Variants in CSMD1 observed in about 807,000 individuals in gnomAD.
CSMD1 encodes the protein CUB and sushi domain-containing protein 1.
In CSMD1, 213 loss-of-function variants were observed where a neutral mutation model predicts 417.5. That is an observed-to-expected ratio of 0.51 (90% CI 0.46 to 0.57). The LOEUF is 0.57. Ranked by LOEUF, CSMD1 falls within the 20% of genes least tolerant of loss-of-function variation. CSMD1 has a pLI of 0.00. For synonymous variants in CSMD1, 2,862 were observed against 1,736.8 expected (o/e 1.65, Z -16.11); for missense variants, 6,923 against 4,529.7 (o/e 1.53, Z -15.17).
intron 1 of CSMD1, among the ~76,000 whole-genome samples, chr8:4,768,413 G>A (rs536533003): frequency 1.1e-4 from 16 of 152,298 alleles, no homozygotes; most frequent in African/African-American, 3.1e-4. Flanking sequence ...AGTCTGCCGG[G>A]TGTCAGCGAC....
At chr8:4,737,337 G>C (rs370062371) in intron 1 of CSMD1, among the ~76,000 whole-genome samples, 80 of 152,148 alleles carry the variant, frequency 5.3e-4, no homozygotes, top group African/African-American at 1.8e-3. Context: ...ATCTTTCAAA[G>C]GGTGGAGGGT....
chr8:3,276,593 T>C (rs1802311229), intron 26 of CSMD1, among the ~76,000 whole-genome samples: 2 of 152,162 alleles, frequency 1.3e-5, no homozygotes, highest in African/African-American at 4.8e-5. Context: ...CCATGATACG[T>C]GGGAATTGTG....
intron 5 of CSMD1, among the ~76,000 whole-genome samples, chr8:3,871,974 A>G (rs7830991): frequency 0.36 from 54,403 of 152,076 alleles, 11,435 homozygotes; most frequent in African/African-American, 0.6. Context: ...TTTGTGAGCT[A>G]CAAACCTGCA....
intron 5 of CSMD1, among the ~76,000 whole-genome samples, chr8:3,897,696 G>A (rs1807457032): frequency 1.3e-5 from 2 of 151,900 alleles, no homozygotes. Context: ...CCTTTATCAT[G>A]CCCATAATCC....
rs145182905 is a variant in CSMD1, at chr8:4,677,718, T to C, written c.86-40160A>G. Among the ~76,000 whole-genome samples, 490 of 152,234 alleles carry C rather than the reference T, an allele frequency of 3.2e-3. 2 individuals are homozygous for C. Among genetic ancestry groups the C allele is most frequent in the African/African-American group, 0.011 (468 of 41,542 alleles). On this transcript the variant is annotated intron_variant, in intron 1 of 69. Coordinates refer to ENST00000635120, the MANE Select transcript of CSMD1 (RefSeq NM_033225.6). ...TCACCGTTAGATGCAGAAAACCCAT[T>C]AGAGTTCTTGGCAGGCAACAGATGC...
At chr8:4,039,883 T>C (rs2055211199) in intron 3 of CSMD1, among the ~76,000 whole-genome samples, 1 of 152,192 alleles carries the variant, frequency 6.6e-6, no homozygotes, top group Non-Finnish European at 1.5e-5. Flanking sequence ...ACAAATTACT[T>C]AGATCTTAGT....
chr8:3,156,032 G>C (rs1819507165), intron 39 of CSMD1, among the ~76,000 whole-genome samples: 2 of 152,222 alleles, frequency 1.3e-5, no homozygotes, highest in African/African-American at 4.8e-5. Flanking sequence ...ATGTGTAACA[G>C]ACAGTAATTA....
intron 3 of CSMD1, among the ~76,000 whole-genome samples, chr8:4,243,276 G>C (rs1180943484): frequency 3.3e-5 from 5 of 152,136 alleles, no homozygotes; most frequent in African/African-American, 7.2e-5. Flanking sequence ...CTAGTCTCAT[G>C]AACTAGGTCT....
intron 11 of CSMD1, among the ~76,000 whole-genome samples, chr8:3,479,889 G>T (rs1236584743): frequency 6.6e-6 from 1 of 151,788 alleles, no homozygotes; most frequent in Non-Finnish European, 1.5e-5. Context: ...TCTAAGTAAA[G>T]AAATAAGTTA....
intron 33 of CSMD1, among the ~76,000 whole-genome samples, chr8:3,197,725 A>G (rs1796781945): frequency 6.6e-6 from 1 of 152,002 alleles, no homozygotes; most frequent in Non-Finnish European, 1.5e-5. Context: ...CGGCCTCCCA[A>G]AGTGCTGGGA....
chr8:4,017,425 T>G (rs922057194), intron 4 of CSMD1, among the ~76,000 whole-genome samples: 1 of 151,982 alleles, frequency 6.6e-6, no homozygotes, highest in African/African-American at 2.4e-5. Flanking sequence ...CCTGCCTCAC[T>G]CTTCCTGAGT....
chr8:3,433,183 A>C lies in CSMD1; in HGVS notation c.1562-23578T>G, dbSNP rs55656521. Among the ~76,000 whole-genome samples the C allele has an allele frequency of 8.3e-3, 1,268 of 152,344 alleles. 18 individuals carry two copies. Among genetic ancestry groups the C allele is most frequent in the African/African-American group, 0.028 (1,165 of 41,586 alleles). On this transcript the variant is annotated intron_variant, in intron 12 of 69. Coordinates refer to ENST00000635120, the MANE Select transcript of CSMD1 (RefSeq NM_033225.6). ...AAGAAACAATGAATGAAATAGAAAT[A>C]AACTTTATTAGACAACTTTTGTGGA...
chr8:3,577,973 G>A (rs1416584272), intron 9 of CSMD1, among the ~76,000 whole-genome samples: 2 of 152,096 alleles, frequency 1.3e-5, no homozygotes, highest in Non-Finnish European at 2.9e-5. Flanking sequence ...TCTACCAGCC[G>A]ATGTCCACAC....
intron 3 of CSMD1, among the ~76,000 whole-genome samples, chr8:4,298,544 A>G (rs1797808658): frequency 6.6e-6 from 1 of 152,210 alleles, no homozygotes; most frequent in African/African-American, 2.4e-5. Context: ...CACATGTAGC[A>G]AAATTGTACT....
At chr8:3,496,917 A>G (rs1796388648) in intron 10 of CSMD1, among the ~76,000 whole-genome samples, 1 of 152,222 alleles carries the variant, frequency 6.6e-6, no homozygotes, top group African/African-American at 2.4e-5. Flanking sequence ...ACACTCAGGA[A>G]CATGTTTAAT....
intron 8 of CSMD1, among the ~76,000 whole-genome samples, chr8:3,598,099 C>G (rs563036870): frequency 6.6e-6 from 1 of 152,262 alleles, no homozygotes; most frequent in East Asian, 1.9e-4. Context: ...AATCTTGGGT[C>G]ATTCCTAGAA....
Position 4,774,089 on chromosome 8 carries a change from C to G in CSMD1, c.86-136531G>C, listed in dbSNP as rs147762671. Among the ~76,000 whole-genome samples the G allele has an allele frequency of 5.9e-5, 9 of 152,246 alleles. No homozygotes were observed. The South Asian group carries it at 1.7e-3, about 28-fold the overall frequency. On this transcript the variant is annotated intron_variant, in intron 1 of 69. Transcript: ENST00000635120. ...ATAGATGCCTGTAATCCCAGCTACTCAGGAGGCTGAGGCAGGAGAGGGTTC... is the reference window on the plus strand; with the variant it reads ...ATAGATGCCTGTAATCCCAGCTACTGAGGAGGCTGAGGCAGGAGAGGGTTC...
chr8:3,286,296 T>A (rs970667390), intron 25 of CSMD1, among the ~76,000 whole-genome samples: 3 of 152,194 alleles, frequency 2.0e-5, no homozygotes, highest in Non-Finnish European at 4.4e-5. Flanking sequence ...TACGTGTGCA[T>A]GTGTCTTTAT....
intron 2 of CSMD1, among the ~76,000 whole-genome samples, chr8:4,446,741 G>GTC (rs1798821149): frequency 8.5e-6 from 1 of 117,892 alleles, no homozygotes; most frequent in Admixed American, 9.2e-5. Flanking sequence ...GTCTGTGTGT[G>GTC]TGTGTGTGTG....
Sources: gnomAD v4.1 joint callset for allele counts (sites outside exome capture counted in the v4.1 genomes callset) on GRCh38, gnomAD v4.1.1 for gene constraint, MANE v1.5 for transcripts, NCBI Gene and HGNC (gene_info 2026-07-23, HGNC 2026-07-21) for gene names.